Variants in MICU3 observed in about 807,000 individuals in gnomAD.
MICU3 encodes the protein mitochondrial calcium uptake 3.
In MICU3, 62 loss-of-function variants were observed where a neutral mutation model predicts 66.5. The observed-to-expected ratio is 0.93, with a 90% confidence interval of 0.76 to 1.15. MICU3 has a LOEUF of 1.15. MICU3 is among the 50% of genes most tolerant of loss of function. The pLI is 0.00. For synonymous variants in MICU3, 308 were observed against 240.7 expected (o/e 1.28, Z -2.59); for missense variants, 779 against 664.4 (o/e 1.17, Z -1.90).
intron 1 of MICU3, among the ~76,000 whole-genome samples, chr8:17,050,992 C>T (rs774004978): frequency 7.9e-5 from 12 of 152,104 alleles, no homozygotes; most frequent in East Asian, 1.9e-4. Flanking sequence ...TTCTCTCCCT[C>T]GAGTAGTTTG....
the MICU3 span, chr8:17,132,074 T>C: frequency 2.0e-5 from 3 of 152,228 alleles, no homozygotes; most frequent in Non-Finnish European, 2.9e-5. Flanking sequence ...GTGCTGTGGC[T>C]ATATTAATTG....
intron 1 of MICU3, among the ~76,000 whole-genome samples, chr8:17,031,449 C>T (rs540694520): frequency 6.6e-6 from 1 of 151,628 alleles, no homozygotes; most frequent in African/African-American, 2.4e-5. Context: ...CCATGACCAG[C>T]TAATTTTTTT....
At chr8:17,068,654 C>T (rs1229648514) in intron 2 of MICU3, among the ~76,000 whole-genome samples, 2 of 152,122 alleles carry the variant, frequency 1.3e-5, no homozygotes, top group Non-Finnish European at 2.9e-5. Flanking sequence ...GTTGTTGCTA[C>T]ATAAAGAAGA....
chr8:17,037,421 G>C lies in MICU3; in HGVS notation c.381+9761G>C, dbSNP rs990493355. The stretch of plus-strand genomic sequence containing the variant: ...ACATTCTTGAGACTTGGTACCCTGT[G>C]TCCCAGCCATGGCCAAAATGGGCCA... On this transcript the variant is annotated intron_variant, in intron 1 of 14. Coordinates refer to ENST00000318063, the MANE Select transcript of MICU3 (RefSeq NM_181723.3). Among the ~76,000 whole-genome samples, 4 of 152,216 alleles carry C rather than the reference G, an allele frequency of 2.6e-5. No individual in the cohort carries two copies. In the East Asian group the frequency reaches 5.8e-4, roughly 22 times the overall value.
chr8:17,132,880 G>A, the MICU3 span: 6 of 152,304 alleles, frequency 3.9e-5, no homozygotes, highest in South Asian at 6.2e-4. Context: ...GGGGCCTTTA[G>A]GAAGTGATTA....
At chr8:17,118,856 A>C (rs557094238) in intron 14 of MICU3, 81 bp downstream of exon 14, 4 of 810,530 alleles carry the variant, frequency 4.9e-6, no homozygotes. Context: ...CATTTAGAAA[A>C]TAGCTGAAAG....
At chr8:17,047,492 A>G (rs1208720061) in intron 1 of MICU3, among the ~76,000 whole-genome samples, 2 of 152,234 alleles carry the variant, frequency 1.3e-5, no homozygotes, top group African/African-American at 2.4e-5. Context: ...CAAAGACATT[A>G]ATCTTCAGAT....
chr8:17,121,429 T>A lies in MICU3; in HGVS notation c.*1142T>A, dbSNP rs1326530590. The A allele has an allele frequency of 6.6e-6, 1 of 151,890 alleles. No individual in the cohort carries two copies. The highest frequency in any genetic ancestry group is 1.5e-5 in the Non-Finnish European group (1 of 67,792). 9.4% of individuals were successfully genotyped at this position (151,890 alleles called of 1,614,324 possible). Reference sequence around the variant, plus strand: ...TTAGATTTGTACATAGAGAAACAATTTGATAATACTTAATAGAAATCTGTT... The same window carrying A: ...TTAGATTTGTACATAGAGAAACAATATGATAATACTTAATAGAAATCTGTT... On this transcript the variant is annotated 3_prime_UTR_variant, in exon 15 of 15. Transcript: ENST00000318063.
At chr8:17,101,794 A>G (rs547214416) in intron 9 of MICU3, among the ~76,000 whole-genome samples, 118 of 151,988 alleles carry the variant, frequency 7.8e-4, no homozygotes, top group South Asian at 3.5e-3. Context: ...AAGAAGTAAG[A>G]GTGTATGATG....
At chr8:17,043,182 G>A (rs956301075) in intron 1 of MICU3, among the ~76,000 whole-genome samples, 5 of 151,624 alleles carry the variant, frequency 3.3e-5, no homozygotes, top group South Asian at 2.1e-4. Flanking sequence ...CTCGTGATCC[G>A]CCCGCCTCGG....
intron 11 of MICU3, among the ~76,000 whole-genome samples, chr8:17,112,389 T>C (rs1215325212): frequency 6.6e-6 from 1 of 152,216 alleles, no homozygotes; most frequent in Non-Finnish European, 1.5e-5. Context: ...ATTCCAGTAG[T>C]GATTCTGAGT....
intron 11 of MICU3, among the ~76,000 whole-genome samples, chr8:17,106,347 G>GA (rs774052403): frequency 1.3e-3 from 181 of 134,590 alleles, no homozygotes; most frequent in African/African-American, 1.4e-3. Flanking sequence ...CCTAAGGAAT[G>GA]AAAAAAAAAA....
intron 8 of MICU3, among the ~76,000 whole-genome samples, chr8:17,097,325 T>C (rs1800814193): frequency 6.6e-6 from 1 of 151,786 alleles, no homozygotes; most frequent in Admixed American, 6.6e-5. Flanking sequence ...TAGTTAAAGC[T>C]TATATTATTA....
At chr8:17,040,213 A>G (rs966107082) in intron 1 of MICU3, among the ~76,000 whole-genome samples, 2 of 152,094 alleles carry the variant, frequency 1.3e-5, no homozygotes, top group African/African-American at 4.8e-5. Context: ...TGGCCCCATT[A>G]TCATATTTTT....
intron 9 of MICU3, among the ~76,000 whole-genome samples, chr8:17,100,048 A>C (rs907842960): frequency 6.6e-6 from 1 of 151,826 alleles, no homozygotes; most frequent in Non-Finnish European, 1.5e-5. Flanking sequence ...GTTCTGTTGT[A>C]GATAGACTGG....
chr8:17,087,956 C>T (rs1799645893), intron 7 of MICU3, among the ~76,000 whole-genome samples: 1 of 152,124 alleles, frequency 6.6e-6, no homozygotes, highest in African/African-American at 2.4e-5. Flanking sequence ...AATTGTCCTA[C>T]ATAGAATTCA....
chr8:17,108,811 C>G (rs1041125613), intron 11 of MICU3, among the ~76,000 whole-genome samples: 15 of 152,138 alleles, frequency 9.9e-5, no homozygotes, highest in African/African-American at 3.6e-4. Context: ...CCATTCTTCT[C>G]AAAGTAAAAG....
intron 7 of MICU3, among the ~76,000 whole-genome samples, chr8:17,088,679 C>T (rs1799727140): frequency 6.6e-6 from 1 of 151,632 alleles, no homozygotes; most frequent in South Asian, 2.1e-4. Context: ...TACACATCTT[C>T]CAGTAAAAAT....
At chr8:17,045,771 GC>G (rs1814969544) in intron 1 of MICU3, among the ~76,000 whole-genome samples, 1 of 152,196 alleles carries the variant, frequency 6.6e-6, no homozygotes. Flanking sequence ...ATGGCAGAAG[GC>G]AAAGGAGAAG....
Sources: gnomAD v4.1 joint callset for allele counts (sites outside exome capture counted in the v4.1 genomes callset) on GRCh38, gnomAD v4.1.1 for gene constraint, MANE v1.5 for transcripts, NCBI Gene and HGNC (gene_info 2026-07-23, HGNC 2026-07-21) for gene names.